The following IQCK variants were observed in gnomAD, a reference collection of about 807,000 sequenced individuals.
IQCK encodes the protein IQ motif containing K.
In IQCK, 29 loss-of-function variants were observed where a neutral mutation model predicts 28.1. That is an observed-to-expected ratio of 1.03 (90% CI 0.77 to 1.41). IQCK has a LOEUF of 1.41. Ranked by LOEUF, IQCK falls within the 40% of genes most tolerant of loss-of-function variation. The pLI, the probability that IQCK is intolerant of heterozygous loss-of-function variation, is 0.00. For synonymous variants in IQCK, 113 were observed against 115.1 expected (o/e 0.98, Z 0.12); for missense variants, 359 against 314.7 (o/e 1.14, Z -1.07).
chr16:19,767,828 A>G (rs1410262405), intron 6 of IQCK, among the ~76,000 whole-genome samples: 1 of 151,910 alleles, frequency 6.6e-6, no homozygotes, highest in Non-Finnish European at 1.5e-5. Flanking sequence ...GCACTCCTGT[A>G]TCAGTGGTAC....
chr16:19,769,219 A>G (rs1255298231), intron 6 of IQCK, among the ~76,000 whole-genome samples: 2 of 152,226 alleles, frequency 1.3e-5, no homozygotes, highest in Non-Finnish European at 2.9e-5. Context: ...CATTTCCATC[A>G]CATGCTATTA....
intron 7 of IQCK, among the ~76,000 whole-genome samples, chr16:19,810,031 G>A (rs568098728): frequency 1.8e-3 from 273 of 152,296 alleles, no homozygotes; most frequent in African/African-American, 6.3e-3. Flanking sequence ...GTGGTGGTAC[G>A]ACTCAGCCTT....
At chr16:19,723,531 G>C (rs543132672) in intron 1 of IQCK, among the ~76,000 whole-genome samples, 1 of 152,266 alleles carries the variant, frequency 6.6e-6, no homozygotes, top group African/African-American at 2.4e-5. Context: ...CCCAAAGTAA[G>C]CGGCAGGGTC....
exon 1 of IQCK, chr16:19,718,420 G>A (rs752851594): frequency 1.4e-5 from 23 of 1,606,432 alleles, no homozygotes; most frequent in Non-Finnish European, 1.9e-5. Context: ...CGTCCCGCGA[G>A]CTGCCTGTCT....
chr16:19,733,711 A>G, exon 3 of IQCK: 1 of 1,614,154 alleles, frequency 6.2e-7, no homozygotes, highest in Non-Finnish European at 8.5e-7. Flanking sequence ...GCGCCAGTAG[A>G]GGAAATGCTT....
intron 4 of IQCK, among the ~76,000 whole-genome samples, chr16:19,738,460 G>T (rs1212935079): frequency 6.6e-6 from 1 of 152,168 alleles, no homozygotes; most frequent in Non-Finnish European, 1.5e-5. Flanking sequence ...ATTGGGCCTT[G>T]ATTTATAGCG....
At chr16:19,856,460 C>G in intron 9 of IQCK, 27 bp from the exon 9 acceptor site, 1 of 1,604,204 alleles carries the variant, frequency 6.2e-7, no homozygotes, top group Non-Finnish European at 8.5e-7. Flanking sequence ...TAAATTGATC[C>G]TGACTTTCCC....
intron 6 of IQCK, among the ~76,000 whole-genome samples, chr16:19,765,366 C>T (rs1253120352): frequency 6.6e-6 from 1 of 151,802 alleles, no homozygotes; most frequent in Non-Finnish European, 1.5e-5. Flanking sequence ...GGCAAAACCC[C>T]GTCTCTACTA....
intron 4 of IQCK, 53 bp downstream of exon 4, chr16:19,735,503 T>C (rs1977985568): frequency 7.7e-7 from 1 of 1,306,262 alleles, no homozygotes. Flanking sequence ...CATTCATTAT[T>C]ATCAGATGAT....
intron 4 of IQCK, among the ~76,000 whole-genome samples, chr16:19,763,485 C>T (rs971124744): frequency 6.6e-6 from 1 of 152,106 alleles, no homozygotes; most frequent in African/African-American, 2.4e-5. Flanking sequence ...CCCTATTGCC[C>T]AGGCTGGAGT....
intron 4 of IQCK, among the ~76,000 whole-genome samples, chr16:19,736,691 C>T (rs1268843803): frequency 1.3e-5 from 2 of 152,302 alleles, no homozygotes; most frequent in Middle Eastern, 3.4e-3. Flanking sequence ...TTGCTGAGTG[C>T]TGCATCTTCC....
intron 4 of IQCK, among the ~76,000 whole-genome samples, chr16:19,759,758 A>T (rs886746241): frequency 1.3e-5 from 2 of 152,148 alleles, no homozygotes; most frequent in African/African-American, 4.8e-5. Context: ...CGGGAGGATC[A>T]CTTGAGCGCA....
intron 6 of IQCK, among the ~76,000 whole-genome samples, chr16:19,768,949 A>G (rs981461701): frequency 1.3e-5 from 2 of 152,080 alleles, no homozygotes; most frequent in African/African-American, 4.8e-5. Context: ...AGAGTCTCCC[A>G]TGAGGTTGTA....
chr16:19,852,823 C>G (rs1166631961), intron 9 of IQCK, among the ~76,000 whole-genome samples: 1 of 151,974 alleles, frequency 6.6e-6, no homozygotes. Context: ...GGGGTTTCAC[C>G]GTGTTAGCCA....
At chr16:19,763,543 A>G (rs8056669) in intron 4 of IQCK, among the ~76,000 whole-genome samples, 7,971 of 152,174 alleles carry the variant, frequency 0.052, 665 homozygotes, top group African/African-American at 0.18. Flanking sequence ...CCCAGGTTCA[A>G]GCAATTCTCC....
intron 6 of IQCK, among the ~76,000 whole-genome samples, chr16:19,786,825 G>T (rs1397774692): frequency 1.2e-5 from 1 of 85,658 alleles, no homozygotes; most frequent in African/African-American, 1.5e-4. Context: ...AGGGAGGGAG[G>T]GAGGGAGGGG....
intron 9 of IQCK, among the ~76,000 whole-genome samples, chr16:19,852,748 G>A (rs374029320): frequency 1.8e-4 from 27 of 149,758 alleles, no homozygotes; most frequent in East Asian, 2.0e-4. Flanking sequence ...TCAGCCTCCC[G>A]AGTAGCTGGG....
intron 7 of IQCK, among the ~76,000 whole-genome samples, chr16:19,822,661 G>A (rs1263352339): frequency 6.6e-6 from 1 of 152,116 alleles, no homozygotes; most frequent in Non-Finnish European, 1.5e-5. Context: ...GACTACAGTA[G>A]GTCTGTGGTT....
intron 9 of IQCK, among the ~76,000 whole-genome samples, chr16:19,844,075 T>C (rs546030356): frequency 6.6e-6 from 1 of 151,804 alleles, no homozygotes; most frequent in East Asian, 1.9e-4. Flanking sequence ...TGTACTCATA[T>C]GCTTGCTTTT....
Sources: gnomAD v4.1 joint callset for allele counts (sites outside exome capture counted in the v4.1 genomes callset) on GRCh38, gnomAD v4.1.1 for gene constraint, MANE v1.5 for transcripts, NCBI Gene and HGNC (gene_info 2026-07-23, HGNC 2026-07-21) for gene names.